Variants in PTER observed in about 807,000 individuals in gnomAD.
The protein encoded by PTER is phosphotriesterase related, also known as N-acetyltaurine hydrolase.
Under a neutral mutation model 29.6 loss-of-function variants are expected in PTER, and 38 were observed. The observed-to-expected ratio is 1.28, with a 90% CI of 0.99 to 1.68. The LOEUF (loss-of-function observed/expected upper bound fraction) is 1.68, where lower values mean the gene tolerates loss of function less well. Ranked by LOEUF, PTER falls within the 40% of genes most tolerant of loss-of-function variation. The pLI is 0.00. For missense variants in PTER, 482 were observed against 427.8 expected (o/e 1.13, Z -1.12); for synonymous variants, 172 against 154.5 (o/e 1.11, Z -0.84).
downstream of PTER, chr10:16,514,002 G>C (rs1301696231): frequency 7.6e-6 from 2 of 263,540 alleles, no homozygotes; most frequent in Admixed American, 1.1e-4. Context: ...CCCAGGTCTA[G>C]CTCTAAGGTT....
chr10:16,503,434 T>A (rs920677438), intron 3 of PTER, among the ~76,000 whole-genome samples: 2 of 152,038 alleles, frequency 1.3e-5, no homozygotes, highest in Non-Finnish European at 2.9e-5. Flanking sequence ...AGACAGAGTC[T>A]CACTCTGTTG....
At chr10:16,468,090 C>T (rs1036297047) in intron 1 of PTER, among the ~76,000 whole-genome samples, 5 of 152,102 alleles carry the variant, frequency 3.3e-5, no homozygotes, top group Non-Finnish European at 7.3e-5. Context: ...GACTGTAATC[C>T]CAGCACTTTG....
chr10:16,508,375 A>G (rs543488843), intron 4 of PTER, among the ~76,000 whole-genome samples: 21 of 152,228 alleles, frequency 1.4e-4, no homozygotes, highest in East Asian at 1.4e-3. Context: ...GCCTCAACAC[A>G]TGTTTTCTAA....
chr10:16,487,818 A>G (rs955634055), intron 3 of PTER, among the ~76,000 whole-genome samples: 1 of 152,208 alleles, frequency 6.6e-6, no homozygotes, highest in Non-Finnish European at 1.5e-5. Context: ...GAGTAAAGCC[A>G]TATTAACATA....
intron 1 of PTER, among the ~76,000 whole-genome samples, chr10:16,439,694 A>T (rs1226901546): frequency 6.6e-6 from 1 of 152,350 alleles, no homozygotes; most frequent in Admixed American, 6.5e-5. Context: ...AGGAATGTTT[A>T]TCCTTAAATA....
chr10:16,474,602 AT>A (rs1256514450), intron 1 of PTER, among the ~76,000 whole-genome samples: 2 of 152,100 alleles, frequency 1.3e-5, no homozygotes, highest in African/African-American at 4.8e-5. Context: ...AAAAAAAGAA[AT>A]TTGGTCAGGC....
chr10:16,494,439 G>A (rs973237332), intron 3 of PTER, among the ~76,000 whole-genome samples: 3 of 152,130 alleles, frequency 2.0e-5, no homozygotes, highest in Admixed American at 1.3e-4. Context: ...ATAAGTGATG[G>A]GGGGAGATGC....
At chr10:16,483,932 T>C (rs1043218305) in intron 1 of PTER, among the ~76,000 whole-genome samples, 2 of 152,218 alleles carry the variant, frequency 1.3e-5, no homozygotes, top group African/African-American at 4.8e-5. Flanking sequence ...ACAGTACTGA[T>C]ACATGGTTAG....
At chr10:16,471,155 C>A (rs1051636169) in intron 1 of PTER, among the ~76,000 whole-genome samples, 2 of 152,108 alleles carry the variant, frequency 1.3e-5, no homozygotes, top group Non-Finnish European at 2.9e-5. Context: ...AACCATAGCA[C>A]TAGAAAGGCA....
chr10:16,484,261 C>A, intron 1 of PTER, 76 bp from the exon 2 acceptor site: 1 of 947,464 alleles, frequency 1.1e-6, no homozygotes, highest in Non-Finnish European at 1.6e-6. Context: ...CACAGCCTCC[C>A]ACCCCTTACG....
intron 1 of PTER, among the ~76,000 whole-genome samples, chr10:16,459,277 G>A (rs187554707): frequency 7.9e-5 from 12 of 152,116 alleles, no homozygotes; most frequent in Admixed American, 2.0e-4. Flanking sequence ...ACGATTTTAC[G>A]TGTCACTTGG....
intron 3 of PTER, among the ~76,000 whole-genome samples, chr10:16,489,757 T>C (rs1244917180): frequency 6.6e-6 from 1 of 152,204 alleles, no homozygotes; most frequent in African/African-American, 2.4e-5. Flanking sequence ...CTACTTTCTG[T>C]CTCTATGAAT....
At chr10:16,506,565 G>A (rs1445876718) in intron 4 of PTER, among the ~76,000 whole-genome samples, 1 of 152,156 alleles carries the variant, frequency 6.6e-6, no homozygotes, top group Non-Finnish European at 1.5e-5. Flanking sequence ...ATAGAGCAAG[G>A]TTCCTAAGGC....
intron 1 of PTER, among the ~76,000 whole-genome samples, chr10:16,471,206 T>C (rs928800629): frequency 6.6e-6 from 1 of 152,200 alleles, no homozygotes; most frequent in African/African-American, 2.4e-5. Flanking sequence ...CAATATCAAG[T>C]CTCAGGCAAG....
chr10:16,449,144 A>G (rs1432030906), intron 1 of PTER, among the ~76,000 whole-genome samples: 1 of 152,126 alleles, frequency 6.6e-6, no homozygotes, highest in Non-Finnish European at 1.5e-5. Flanking sequence ...CAGGGATGCA[A>G]TATTGTTTTT....
At chr10:16,505,235 G>A (rs1376279277) in intron 4 of PTER, 75 bp downstream of exon 4, 2 of 1,541,384 alleles carry the variant, frequency 1.3e-6, no homozygotes, top group African/African-American at 1.4e-5. Context: ...GGAAGTATTA[G>A]CAAAGATTCA....
At chr10:16,509,048 C>T (rs1050110101) in intron 4 of PTER, among the ~76,000 whole-genome samples, 3 of 152,198 alleles carry the variant, frequency 2.0e-5, no homozygotes, top group African/African-American at 7.2e-5. Flanking sequence ...TGCCTTTTCA[C>T]ACTTTGTAGT....
At chr10:16,500,180 A>G (rs1207300075) in intron 3 of PTER, among the ~76,000 whole-genome samples, 1 of 150,684 alleles carries the variant, frequency 6.6e-6, no homozygotes, top group African/African-American at 2.4e-5. Context: ...CCCCAAAGTC[A>G]CTCCGCTTTA....
At chr10:16,440,750 C>T (rs1276101362) in intron 1 of PTER, among the ~76,000 whole-genome samples, 3 of 152,232 alleles carry the variant, frequency 2.0e-5, no homozygotes, top group African/African-American at 7.2e-5. Context: ...TCATAGAGGA[C>T]AGTGAGCGGA....
Sources: gnomAD v4.1 joint callset for allele counts (sites outside exome capture counted in the v4.1 genomes callset) on GRCh38, gnomAD v4.1.1 for gene constraint, MANE v1.5 for transcripts, NCBI Gene and HGNC (gene_info 2026-07-23, HGNC 2026-07-21) for gene names.